GRK4: variants seen among roughly 807,000 people sequenced by gnomAD.
GRK4 encodes the protein G protein-coupled receptor kinase 4.
In GRK4, 73 loss-of-function variants were observed where a neutral mutation model predicts 77.9. The ratio of observed to expected loss-of-function variants is 0.94; its 90% confidence interval spans 0.78 to 1.14. The LOEUF (loss-of-function observed/expected upper bound fraction) is 1.14, where lower values mean the gene tolerates loss of function less well. Ranked by LOEUF, GRK4 falls within the 50% of genes most tolerant of loss-of-function variation. GRK4 has a pLI of 0.00. For synonymous variants in GRK4, 257 were observed against 254.4 expected (o/e 1.01, Z -0.10); for missense variants, 729 against 700.2 (o/e 1.04, Z -0.46).
chr4:3,039,642 G>A (rs1238157321), intron 15 of GRK4, among the ~76,000 whole-genome samples: 1 of 150,740 alleles, frequency 6.6e-6, no homozygotes, highest in Admixed American at 6.6e-5. Context: ...AGGTTACAGG[G>A]AGCCGAGACT....
intron 8 of GRK4, among the ~76,000 whole-genome samples, chr4:3,016,403 A>G (rs1734499651): frequency 6.6e-6 from 1 of 151,698 alleles, no homozygotes; most frequent in South Asian, 2.1e-4. Context: ...CTGTAATCCA[A>G]GCTACTTGGG....
chr4:2,980,134 TACCCAGA>T (rs1722454833), intron 1 of GRK4, among the ~76,000 whole-genome samples: 1 of 152,168 alleles, frequency 6.6e-6, no homozygotes, highest in Non-Finnish European at 1.5e-5. Context: ...CTCCACAGGG[TACCCAGA>T]GCCTGGACAG....
chr4:2,986,977 T>A (rs539076646), intron 2 of GRK4: 214 of 335,112 alleles, frequency 6.4e-4, no homozygotes, highest in Admixed American at 2.4e-3. Context: ...TCATATGCCA[T>A]ACAACTTATC....
At chr4:3,007,645 C>T in intron 5 of GRK4, 91 bp from the exon 6 acceptor site, 1 of 680,010 alleles carries the variant, frequency 1.5e-6, no homozygotes, top group Admixed American at 3.2e-5. Context: ...ATTGGCTTTC[C>T]CATATTCAGT....
intron 8 of GRK4, among the ~76,000 whole-genome samples, chr4:3,015,103 G>A (rs1224712874): frequency 2.0e-5 from 3 of 152,150 alleles, no homozygotes; most frequent in South Asian, 2.1e-4. Context: ...AACATTGGGC[G>A]GACTGGTATG....
intron 1 of GRK4, among the ~76,000 whole-genome samples, chr4:2,973,177 C>T (rs557641463): frequency 5.4e-4 from 83 of 152,400 alleles, no homozygotes; most frequent in African/African-American, 1.8e-3. Context: ...GTGGGCTGCA[C>T]TGACGTGGCA....
intron 9 of GRK4, among the ~76,000 whole-genome samples, chr4:3,021,892 G>A (rs1736191716): frequency 6.6e-6 from 1 of 152,166 alleles, no homozygotes; most frequent in South Asian, 2.1e-4. Context: ...GCTGCACCAT[G>A]TCTGCCCCAT....
intron 10 of GRK4, 87 bp from the exon 11 acceptor site, chr4:3,027,825 T>C (rs1737990013): frequency 1.9e-6 from 2 of 1,048,990 alleles, no homozygotes; most frequent in Non-Finnish European, 2.9e-6. Context: ...GCCATGGTTT[T>C]TGAGGGGCCT....
In GRK4 at chr4:3,011,885, C is replaced by T. The variant is rs567467127; in HGVS notation, c.601-1803C>T. ...TAAAGGAATTGAGTAGACATCTCTG[C>T]TGTCATGGTTTTAGGCCACAGACTG... is the stretch of plus-strand genomic sequence containing the variant. On this transcript the variant is annotated intron_variant, in intron 7 of 15. Transcript: ENST00000398052. Among the ~76,000 whole-genome samples, 98 of 152,364 alleles carry T rather than the reference C, an allele frequency of 6.4e-4. 2 individuals are homozygous for T. The highest frequency in any genetic ancestry group is 3.4e-3 in the Middle Eastern group (1 of 294).
At chr4:2,989,984 C>T (rs1725628994) in intron 3 of GRK4, among the ~76,000 whole-genome samples, 1 of 152,044 alleles carries the variant, frequency 6.6e-6, no homozygotes, top group Admixed American at 6.6e-5. Context: ...TCTGCTTTGG[C>T]CTGTCTTAAT....
intron 14 of GRK4, 21 bp downstream of exon 14, chr4:3,037,532 C>T: frequency 1.3e-6 from 2 of 1,587,720 alleles, no homozygotes; most frequent in Non-Finnish European, 1.7e-6. Flanking sequence ...TCCAGCACAG[C>T]CGCTTTACGT....
At chr4:2,965,077 C>T (rs1560326749) in intron 1 of GRK4, among the ~76,000 whole-genome samples, 1 of 152,220 alleles carries the variant, frequency 6.6e-6, no homozygotes, top group Non-Finnish European at 1.5e-5. Flanking sequence ...GATTATGTGA[C>T]CTGTCATTAT....
intron 8 of GRK4, among the ~76,000 whole-genome samples, chr4:3,015,866 G>A (rs1305912936): frequency 6.6e-6 from 1 of 150,974 alleles, no homozygotes; most frequent in Non-Finnish European, 1.5e-5. Context: ...TTGAGCCCAG[G>A]AGTTTGAAAC....
chr4:2,977,395 C>T (rs368739499), intron 1 of GRK4, among the ~76,000 whole-genome samples: 4 of 152,132 alleles, frequency 2.6e-5, no homozygotes, highest in East Asian at 3.8e-4. Context: ...CGCAGAGCTC[C>T]GGCTGCTACG....
At position 3,019,742 on chromosome 4, in the gene GRK4, TC is replaced by T. The variant is rs750885539; in HGVS notation, c.846del (p.Gly283AlafsTer31). The T allele has an allele frequency of 1.9e-6, 3 of 1,614,208 alleles. No homozygotes were observed. Among genetic ancestry groups the T allele is most frequent in the Non-Finnish European group, 2.5e-6 (3 of 1,180,038 alleles). ...LKFHIYNLGN[P>X]GFDEQRAVFY... Reference sequence around the variant, plus strand: ...AGTTTCACATTTACAACCTGGGCAATCCCGGCTTTGATGAGCAGAGAGCCGT... The same window carrying T: ...AGTTTCACATTTACAACCTGGGCAATCCGGCTTTGATGAGCAGAGAGCCGT... On this transcript the variant is annotated frameshift_variant, in exon 9 of 16. Transcript: ENST00000398052. LOFTEE classifies it high-confidence loss of function.
chr4:3,009,210 C>T (rs1338394067), intron 6 of GRK4, among the ~76,000 whole-genome samples: 2 of 151,874 alleles, frequency 1.3e-5, no homozygotes, highest in Non-Finnish European at 2.9e-5. Flanking sequence ...ATCATGAGGT[C>T]AGGAGTTCGA....
intron 1 of GRK4, among the ~76,000 whole-genome samples, chr4:2,973,022 A>G (rs1465904207): frequency 6.6e-6 from 1 of 152,216 alleles, no homozygotes; most frequent in East Asian, 1.9e-4. Flanking sequence ...AGTGTGAGCC[A>G]CTGCACCTGG....
Position 2,998,163 on chromosome 4 carries a change from C to T in GRK4, c.339+5871C>T, listed in dbSNP as rs150345534. On this transcript the variant is annotated intron_variant, in intron 4 of 15. Transcript: ENST00000398052. ...CCTGAGGTCAGGAGTTTGAGACCAG[C>T]CTGGGCAACATGGTGAAACCCCCGT... 5.1e-3 allele frequency among the ~76,000 whole-genome samples: 780 copies of T among 152,226 alleles called. 4 individuals are homozygous for T. Among genetic ancestry groups the T allele is most frequent in the African/African-American group, 0.017 (721 of 41,550 alleles).
intron 10 of GRK4, among the ~76,000 whole-genome samples, chr4:3,025,636 C>T (rs778361906): frequency 1.9e-4 from 29 of 151,978 alleles, no homozygotes; most frequent in Non-Finnish European, 3.5e-4. Flanking sequence ...TTGTGATCCG[C>T]CCGCCTCGGC....
Sources: gnomAD v4.1 joint callset for allele counts (sites outside exome capture counted in the v4.1 genomes callset) on GRCh38, gnomAD v4.1.1 for gene constraint, MANE v1.5 for transcripts, NCBI Gene and HGNC (gene_info 2026-07-23, HGNC 2026-07-21) for gene names.